KLHL10: variants seen among roughly 807,000 people sequenced by gnomAD.
KLHL10 encodes the protein kelch like family member 10.
In KLHL10, 11 loss-of-function variants were observed where a neutral mutation model predicts 46.6. The observed-to-expected ratio is 0.24, with a 90% CI of 0.15 to 0.39. The LOEUF (loss-of-function observed/expected upper bound fraction) is 0.39. Among genes scored for constraint, KLHL10 ranks in the 10% least tolerant of loss-of-function variants. The pLI, the probability that KLHL10 is intolerant of heterozygous loss-of-function variation, is 1.00. For missense variants in KLHL10, 475 were observed against 789.8 expected, an observed-to-expected ratio of 0.60 and a Z score of 4.78; for synonymous variants, 254 against 279.1, an observed-to-expected ratio of 0.91 and a Z score of 0.90.
chr17:41,845,739 G>C lies in KLHL10; in HGVS notation c.1298G>C (p.Gly433Ala), dbSNP rs1555621326. The C allele has an allele frequency of 6.2e-7, 1 of 1,613,854 alleles. No homozygotes were observed. Among genetic ancestry groups the C allele is most frequent in the Non-Finnish European group, 8.5e-7 (1 of 1,179,986 alleles). Residue 433 changes from glycine to alanine, a missense_variant, in exon 3 of 5, where the codon GGG becomes GCG. By Grantham distance (60) the Gly-to-Ala change is moderately conservative. Coordinates refer to ENST00000293303, the MANE Select transcript of KLHL10 (RefSeq NM_152467.5). ...GATGCAAGCGCCACAACACTTTATG[G>C]GAAGGTAAAGGACCAGGGTGGGAGG... ...RSDASATTLY[G>A]KVYICGGFNG...
intron 1 of KLHL10, among the ~76,000 whole-genome samples, chr17:41,840,737 T>A (rs1475509808): frequency 1.3e-5 from 2 of 152,056 alleles, no homozygotes; most frequent in Non-Finnish European, 2.9e-5. Context: ...TGGGCCAAAT[T>A]TGGACAGAGT....
chr17:41,843,381 T>C (rs1322475213), intron 2 of KLHL10, among the ~76,000 whole-genome samples: 6 of 151,966 alleles, frequency 3.9e-5, no homozygotes, highest in African/African-American at 1.5e-4. Flanking sequence ...GGTGCATGCC[T>C]GTAATCCCAG....
intron 2 of KLHL10, 91 bp downstream of exon 2, chr17:41,842,403 T>C (rs1362386910): frequency 1.3e-6 from 2 of 1,490,662 alleles, no homozygotes; most frequent in South Asian, 1.1e-5. Context: ...TGTATTTACA[T>C]GTCCTTAGAT....
chr17:41,839,975 G>A (rs2048210193), intron 1 of KLHL10, among the ~76,000 whole-genome samples: 1 of 151,898 alleles, frequency 6.6e-6, no homozygotes, highest in Non-Finnish European at 1.5e-5. Context: ...TGCCTCCCAA[G>A]TTCAAGCAAT....
At chr17:41,835,757 G>A (rs1555619831), upstream of KLHL10, 4 of 1,193,814 alleles carry the variant, frequency 3.4e-6, no homozygotes, top group Non-Finnish European at 4.8e-6. Flanking sequence ...GGGGCAGAGA[G>A]CTAGGAGGGG....
chr17:41,847,450 T>G, intron 4 of KLHL10, 40 bp downstream of exon 4: 5 of 1,611,588 alleles, frequency 3.1e-6, no homozygotes, highest in Non-Finnish European at 3.4e-6. Flanking sequence ...AAAAACACAT[T>G]ACCCCTAGAT....
chr17:41,837,535 A>G (rs893017996), upstream of KLHL10: 7 of 1,025,744 alleles, frequency 6.8e-6, no homozygotes, highest in South Asian at 2.3e-4. Flanking sequence ...TAGGGAGCCA[A>G]GTGTTGGGCT....
At chr17:41,839,816 G>A (rs1459591103) in intron 1 of KLHL10, among the ~76,000 whole-genome samples, 2 of 151,868 alleles carry the variant, frequency 1.3e-5, no homozygotes, top group African/African-American at 2.4e-5. Flanking sequence ...AGGTTCAAGC[G>A]ATTCTCCTGC....
Position 41,847,385 on chromosome 17 carries a change from T to C in KLHL10, c.1427T>C (p.Ile476Thr), listed in dbSNP as rs781882406. The C allele has an allele frequency of 2.5e-6, 4 of 1,614,122 alleles. No individual in the cohort carries two copies. The highest frequency in any genetic ancestry group is 8.5e-7 in the Non-Finnish European group (1 of 1,180,028). Reference protein sequence around the residue: ...MRSRRSGIGVIAYGEHVYAVG... With the variant: ...MRSRRSGIGVTAYGEHVYAVG... ...AGCAGGAGGAGTGGAATAGGCGTGA[T>C]TGCTTATGGAGAACATGTATATGCG... Residue 476 changes from isoleucine to threonine, a missense_variant, in exon 4 of 5, where the codon ATT becomes ACT. Coordinates refer to ENST00000293303, the MANE Select transcript of KLHL10 (RefSeq NM_152467.5).
chr17:41,847,245 G>A lies in KLHL10; in HGVS notation c.1303-16G>A. The A allele has an allele frequency of 6.2e-7, 1 of 1,613,228 alleles. No individual in the cohort carries two copies. Among genetic ancestry groups the A allele is most frequent in the South Asian group, 1.1e-5 (1 of 91,048 alleles). On this transcript the variant is annotated splice_polypyrimidine_tract_variant and intron_variant, in intron 3 of 4. Transcript: ENST00000293303. ...CTAGAGTGGGAATTTTAATAATCTT[G>A]GAACTCTTCACACAGGTCTACATAT...
rs1364527547 is a variant in KLHL10, at chr17:41,845,529, A to G, written c.1088A>G (p.Lys363Arg). ...FNSVKRFDPV[K>R]KTWHQVAPMH... is the part of the protein sequence containing the mutation. ...AGTGTTAAGCGTTTTGACCCAGTCA[A>G]GAAAACTTGGCATCAGGTGGCCCCG... Residue 363 changes from lysine (K) to arginine (R), a missense_variant, in exon 3 of 5, where the codon AAG becomes AGG. Lys to Arg is a conservative substitution (Grantham distance 26). Coordinates refer to ENST00000293303, the MANE Select transcript of KLHL10 (RefSeq NM_152467.5). 6.2e-7 allele frequency: 1 copy of G among 1,614,136 alleles called. No individual in the cohort carries two copies. The highest frequency in any genetic ancestry group is 1.3e-5 in the African/African-American group (1 of 74,942).
upstream of KLHL10, chr17:41,837,699 G>T (rs2048180004): frequency 2.4e-6 from 3 of 1,231,526 alleles, no homozygotes; most frequent in Non-Finnish European, 1.1e-6. Context: ...CAGCCTAAGT[G>T]GGGTGGTAAG....
At chr17:41,836,725 C>G (rs1213177189), upstream of KLHL10, among the ~76,000 whole-genome samples, 1 of 152,168 alleles carries the variant, frequency 6.6e-6, no homozygotes, top group Non-Finnish European at 1.5e-5. Context: ...ACTCGGGAGG[C>G]TGAGGCACGA....
intron 4 of KLHL10, 121 bp from the exon 5 acceptor site, chr17:41,847,812 T>C: frequency 7.1e-7 from 1 of 1,414,272 alleles, no homozygotes; most frequent in Non-Finnish European, 1.0e-6. Context: ...GCTGAAAAGC[T>C]TTTTTTCATG....
Position 41,847,352 on chromosome 17 carries a change from C to G in KLHL10, c.1394C>G (p.Pro465Arg). Residue 465 changes from proline to arginine, a missense_variant, in exon 4 of 5, where the codon CCC (proline) becomes CGC (arginine). By Grantham distance (103) the Pro-to-Arg change is moderately radical. Coordinates refer to ENST00000293303, the MANE Select transcript of KLHL10 (RefSeq NM_152467.5). ...TESNQWTVIA[P>R]MRSRRSGIGV... ...AGTAATCAGTGGACAGTCATAGCAC[C>G]CATGAGAAGCAGGAGGAGTGGAATA... The G allele has an allele frequency of 6.2e-7, 1 of 1,613,822 alleles. No individual in the cohort carries two copies. Among genetic ancestry groups the G allele is most frequent in the Non-Finnish European group, 8.5e-7 (1 of 1,179,964 alleles).
upstream of KLHL10, among the ~76,000 whole-genome samples, chr17:41,836,825 AG>A (rs1311469365): frequency 1.2e-4 from 18 of 151,544 alleles, no homozygotes; most frequent in African/African-American, 4.1e-4. Flanking sequence ...ACCCTGTCTC[AG>A]AAACAAAAAC....
Position 41,847,522 on chromosome 17 carries a change from T to G in KLHL10, c.1452+112T>G. The G allele has an allele frequency of 2.3e-6, 3 of 1,284,702 alleles. No individual in the cohort carries two copies. The South Asian group carries it at 3.7e-5, about 16-fold the overall frequency. The allele number at this position is 1,284,702 out of a possible 1,614,324, so 79.6% of individuals were successfully genotyped here. A position where few individuals can be genotyped will look rare whatever the true frequency, so the allele number is the denominator to read the frequency against. ...AGTATTTGAAAAGCTTTTTTTTTTT[T>G]TGAGATGGAGTCTCGCTCTGTTGCC... On this transcript the variant is annotated intron_variant, in intron 4 of 4. Transcript: ENST00000293303.
Position 41,848,208 on chromosome 17 carries a change from C to A in KLHL10, c.1728C>A (p.Ala576=). ...ALSCCVVPGL[A]NVEEYAARRD... ...GCTGCTGTGTAGTACCAGGGCTGGC[C>A]AATGTTGAGGAATATGCAGCTAGAC... Residue 576 remains alanine (A), a synonymous_variant, in exon 5 of 5, where the codon GCC becomes GCA. Coordinates refer to ENST00000293303, the MANE Select transcript of KLHL10 (RefSeq NM_152467.5). The A allele has an allele frequency of 6.2e-7, 1 of 1,613,988 alleles. No individual in the cohort carries two copies. Among genetic ancestry groups the A allele is most frequent in the South Asian group, 1.1e-5 (1 of 91,080 alleles).
chr17:41,840,252 G>C (rs1192921015), intron 1 of KLHL10, among the ~76,000 whole-genome samples: 2 of 152,218 alleles, frequency 1.3e-5, no homozygotes, highest in Non-Finnish European at 2.9e-5. Context: ...AATGGGTGTG[G>C]CTGTATTCCA....
Sources: gnomAD v4.1 joint callset for allele counts (sites outside exome capture counted in the v4.1 genomes callset) on GRCh38, gnomAD v4.1.1 for gene constraint, MANE v1.5 for transcripts, NCBI Gene and HGNC (gene_info 2026-07-23, HGNC 2026-07-21) for gene names.